GABBR2: variants seen among roughly 807,000 people sequenced by gnomAD.
The protein encoded by GABBR2 is gamma-aminobutyric acid type B receptor subunit 2.
Under a neutral mutation model 105.6 loss-of-function variants are expected in GABBR2, and 23 were observed. That is an observed-to-expected ratio of 0.22 (90% CI 0.16 to 0.31). GABBR2 has a LOEUF of 0.31. Ranked by LOEUF, GABBR2 falls within the 10% of genes least tolerant of loss-of-function variation. The pLI is 1.00. For missense variants in GABBR2, 734 were observed against 1,245.5 expected (o/e 0.59, Z 6.18); for synonymous variants, 478 against 499.7 (o/e 0.96, Z 0.58).
At chr9:98,353,403 T>A (rs558129483) in intron 13 of GABBR2, among the ~76,000 whole-genome samples, 59 of 152,308 alleles carry the variant, frequency 3.9e-4, no homozygotes, top group African/African-American at 1.3e-3. Flanking sequence ...AATAAACTTC[T>A]TCCAAACTCC....
chr9:98,446,705 G>A (rs1428814369), intron 7 of GABBR2, among the ~76,000 whole-genome samples: 1 of 152,114 alleles, frequency 6.6e-6, no homozygotes, highest in East Asian at 1.9e-4. Flanking sequence ...TGTTGCTCCC[G>A]GGCAGCAGAC....
chr9:98,556,656 C>T (rs1196967946), intron 2 of GABBR2, among the ~76,000 whole-genome samples: 1 of 152,176 alleles, frequency 6.6e-6, no homozygotes, highest in East Asian at 1.9e-4. Context: ...CTCTGGTCAG[C>T]TGCAAACCCG....
chr9:98,564,957 G>T (rs1397736360), intron 2 of GABBR2, among the ~76,000 whole-genome samples: 1 of 152,144 alleles, frequency 6.6e-6, no homozygotes, highest in Non-Finnish European at 1.5e-5. Flanking sequence ...AGGAAATACA[G>T]AGGACTGAGC....
chr9:98,683,319 T>G (rs1588282056), intron 1 of GABBR2, among the ~76,000 whole-genome samples: 1 of 152,114 alleles, frequency 6.6e-6, no homozygotes. Context: ...GTCAGGCTGG[T>G]CTCAAACTCC....
chr9:98,498,093 C>A (rs1471888973), intron 3 of GABBR2, among the ~76,000 whole-genome samples: 1 of 152,122 alleles, frequency 6.6e-6, no homozygotes, highest in Non-Finnish European at 1.5e-5. Context: ...CATGGATGAG[C>A]CTTGAAGACA....
intron 2 of GABBR2, among the ~76,000 whole-genome samples, chr9:98,546,532 A>G (rs915270224): frequency 2.0e-5 from 3 of 152,250 alleles, no homozygotes; most frequent in Non-Finnish European, 4.4e-5. Flanking sequence ...AAGATAAAAT[A>G]AACCTGTTTG....
intron 8 of GABBR2, among the ~76,000 whole-genome samples, chr9:98,402,136 C>T (rs1323425647): frequency 1.3e-5 from 2 of 152,136 alleles, no homozygotes. Flanking sequence ...GAAATTCAAG[C>T]ACATTATCAT....
intron 1 of GABBR2, chr9:98,608,068 G>A (rs140390639): frequency 6.9e-5 from 91 of 1,312,176 alleles, no homozygotes; most frequent in Non-Finnish European, 9.2e-5. Flanking sequence ...GCTCAACAAC[G>A]TATTTTAGAA....
At chr9:98,588,846 T>A (rs1829109611) in intron 1 of GABBR2, among the ~76,000 whole-genome samples, 1 of 152,182 alleles carries the variant, frequency 6.6e-6, no homozygotes. Context: ...TCCATGGGTA[T>A]TCTGTGCTCT....
Position 98,648,116 on chromosome 9 carries a change from T to TGTATAG in GABBR2, c.321+60300_321+60301insCTATAC. Among the ~76,000 whole-genome samples the TGTATAG allele has an allele frequency of 1.1e-3, 63 of 55,956 alleles. 1 individual carries two copies. Among genetic ancestry groups the TGTATAG allele is most frequent in the Middle Eastern group, 0.011 (1 of 88 alleles). The allele number at this position is 55,956 out of a possible 152,430, so 36.7% of individuals were successfully genotyped here. A position where few individuals can be genotyped will look rare whatever the true frequency, so the allele number is the denominator to read the frequency against. ...GTGTGTGTGTGTGTGTGTGTGTGTG[T>TGTATAG]ATAGATAGATAGATAGATAGATAGA... On this transcript the variant is annotated intron_variant, in intron 1 of 18. Transcript: ENST00000259455.
At chr9:98,371,963 C>A (rs1045029375) in intron 11 of GABBR2, among the ~76,000 whole-genome samples, 3 of 152,188 alleles carry the variant, frequency 2.0e-5, no homozygotes, top group African/African-American at 7.2e-5. Context: ...GCCCTCTCCC[C>A]ACATGGTCAG....
chr9:98,380,128 G>A (rs571087615), intron 11 of GABBR2, among the ~76,000 whole-genome samples: 146 of 152,300 alleles, frequency 9.6e-4, no homozygotes, highest in African/African-American at 3.1e-3. Context: ...TTTCTGCTCC[G>A]TCAGGTGGGG....
Position 98,311,244 on chromosome 9 carries a change from G to T in GABBR2, c.1894-39C>A, listed in dbSNP as rs1197487373. 16 of 1,297,956 alleles carry T rather than the reference G, an allele frequency of 1.2e-5. No individual in the cohort carries two copies. The East Asian group carries it at 2.8e-4, about 22-fold the overall frequency. The allele number at this position is 1,297,956 out of a possible 1,614,324, so 80.4% of individuals were successfully genotyped here. A position where few individuals can be genotyped will look rare whatever the true frequency, so the allele number is the denominator to read the frequency against. ...AAACAGAGACTCAGGGATGGCACAG[G>T]ACACTCTTCCAGCAACTGGGTCCTT... On this transcript the variant is annotated intron_variant, in intron 13 of 18. Coordinates refer to ENST00000259455, the MANE Select transcript of GABBR2 (RefSeq NM_005458.8).
intron 1 of GABBR2, chr9:98,607,075 G>T (rs1829436066): frequency 2.0e-6 from 3 of 1,498,310 alleles, no homozygotes; most frequent in South Asian, 1.1e-5. Flanking sequence ...TCAGTTAAGA[G>T]ATCTGGTTTT....
intron 13 of GABBR2, among the ~76,000 whole-genome samples, chr9:98,319,005 T>C (rs1830773865): frequency 6.6e-6 from 1 of 151,980 alleles, no homozygotes; most frequent in African/African-American, 2.4e-5. Flanking sequence ...ATGGTTCTCC[T>C]TTCCTGGGAA....
chr9:98,383,530 C>T (rs1832017077), intron 11 of GABBR2, among the ~76,000 whole-genome samples: 2 of 152,170 alleles, frequency 1.3e-5, no homozygotes, highest in African/African-American at 2.4e-5. Flanking sequence ...TGGGGTTTGA[C>T]AGTCATGCAG....
intron 1 of GABBR2, among the ~76,000 whole-genome samples, chr9:98,640,140 A>ATG (rs1349205580): frequency 1.3e-5 from 2 of 149,434 alleles, no homozygotes; most frequent in Admixed American, 6.7e-5. Flanking sequence ...ATATATATAT[A>ATG]TATATAAACA....
At chr9:98,615,538 A>T (rs1829570647) in intron 1 of GABBR2, among the ~76,000 whole-genome samples, 1 of 152,164 alleles carries the variant, frequency 6.6e-6, no homozygotes, top group Admixed American at 6.5e-5. Context: ...CACCCCCAGG[A>T]TATTTTGAAA....
chr9:98,510,211 A>G (rs1827608249), intron 3 of GABBR2, among the ~76,000 whole-genome samples: 1 of 152,236 alleles, frequency 6.6e-6, no homozygotes, highest in South Asian at 2.1e-4. Context: ...TTTCCAGACA[A>G]GCAAATGCTG....
Sources: allele counts gnomAD v4.1 joint callset (sites outside exome capture counted in the v4.1 genomes callset), GRCh38; gene constraint gnomAD v4.1.1; transcripts MANE v1.5; gene names NCBI Gene and HGNC (gene_info 2026-07-23, HGNC 2026-07-21).